Variants in SAMD5 observed in about 807,000 individuals in gnomAD.
SAMD5 encodes the protein sterile alpha motif domain containing 5, also known as sterile alpha motif domain-containing protein 5.
Under a neutral mutation model 11.3 loss-of-function variants are expected in SAMD5, and 13 were observed. The ratio of observed to expected loss-of-function variants is 1.15; its 90% CI spans 0.75 to 1.83. SAMD5 has a LOEUF of 1.83. Among genes scored for constraint, SAMD5 ranks in the 40% most tolerant of loss-of-function variants. The probability of loss-of-function intolerance (pLI) is 0.00; values close to 1 mark genes in which losing one functional copy is unlikely to be tolerated. For missense variants in SAMD5, 255 were observed against 239.1 expected, an observed-to-expected ratio of 1.07 and a Z score of -0.44; for synonymous variants, 129 against 111.3, an observed-to-expected ratio of 1.16 and a Z score of -1.00.
chr6:147,665,064 A>G (rs1201166131), intron 1 of SAMD5, among the ~76,000 whole-genome samples: 1 of 152,206 alleles, frequency 6.6e-6, no homozygotes, highest in East Asian at 1.9e-4. Flanking sequence ...TTACAGTGGA[A>G]AATGTTTCTG....
At chr6:147,938,217 TC>T in the SAMD5 span, among the ~76,000 whole-genome samples, 1 of 152,168 alleles carries the variant, frequency 6.6e-6, no homozygotes, top group Non-Finnish European at 1.5e-5. Flanking sequence ...GTTTCTCAGT[TC>T]CCTAGCCAGC....
At chr6:147,681,784 A>G (rs1193753179) in intron 1 of SAMD5, among the ~76,000 whole-genome samples, 1 of 152,150 alleles carries the variant, frequency 6.6e-6, no homozygotes, top group African/African-American at 2.4e-5. Flanking sequence ...TTCTAGGGCT[A>G]ATTTTACCCC....
At chr6:147,530,074 T>G (rs1052778898) in intron 1 of SAMD5, among the ~76,000 whole-genome samples, 1 of 152,230 alleles carries the variant, frequency 6.6e-6, no homozygotes, top group African/African-American at 2.4e-5. Flanking sequence ...TTACCATATA[T>G]GGGGACGATT....
At chr6:147,908,218 T>TGG in the SAMD5 span, among the ~76,000 whole-genome samples, 3 of 152,216 alleles carry the variant, frequency 2.0e-5, no homozygotes, top group African/African-American at 7.2e-5. Context: ...GACTCTATTA[T>TGG]GGAACCTCTA....
the SAMD5 span, among the ~76,000 whole-genome samples, chr6:147,894,683 T>A: frequency 3.7e-4 from 57 of 152,354 alleles, no homozygotes; most frequent in African/African-American, 1.3e-3. Flanking sequence ...AATATTCATA[T>A]GCACTCATGA....
At chr6:147,867,506 T>G in the SAMD5 span, among the ~76,000 whole-genome samples, 950 of 152,232 alleles carry the variant, frequency 6.2e-3, 9 homozygotes, top group East Asian at 0.03. Context: ...TGTGATGGGA[T>G]GGAATGATTT....
In SAMD5 at chr6:147,523,725, A is replaced by G. The variant is rs1319547973; in HGVS notation, c.459+14338A>G. 2.6e-5 allele frequency among the ~76,000 whole-genome samples: 4 copies of G among 152,210 alleles called. No individual in the cohort carries two copies. In the East Asian group the frequency reaches 7.7e-4, roughly 29 times the overall value. Reference sequence around the variant, plus strand: ...GCAATTCTTAGGACTTGCTTCCTTCAGGATCAGGTTAAGGGGCAAAACGTG... The same window carrying G: ...GCAATTCTTAGGACTTGCTTCCTTCGGGATCAGGTTAAGGGGCAAAACGTG... On this transcript the variant is annotated intron_variant, in intron 1 of 1. Transcript: ENST00000367474.
chr6:147,779,565 G>A, the SAMD5 span, among the ~76,000 whole-genome samples: 1 of 150,108 alleles, frequency 6.7e-6, no homozygotes, highest in Non-Finnish European at 1.5e-5. Flanking sequence ...GCACAATCTC[G>A]GCTCACTGCA....
chr6:147,827,336 A>T, the SAMD5 span, among the ~76,000 whole-genome samples: 1 of 152,148 alleles, frequency 6.6e-6, no homozygotes, highest in Non-Finnish European at 1.5e-5. Flanking sequence ...GAAGGGAACA[A>T]GGAAGGAATA....
intron 1 of SAMD5, among the ~76,000 whole-genome samples, chr6:147,673,702 ATATAAT>A (rs1305006707): frequency 6.6e-6 from 1 of 152,178 alleles, no homozygotes; most frequent in Non-Finnish European, 1.5e-5. Flanking sequence ...TCCATGAAAA[ATATAAT>A]TAAAAGAAAA....
rs115333849 is a variant in SAMD5 at position 147,684,846 on chromosome 6, T to G, written c.163-52471T>G. Among the ~76,000 whole-genome samples the G allele has an allele frequency of 6.7e-3, 1,013 of 152,328 alleles. 11 individuals are homozygous for G. The highest frequency in any genetic ancestry group is 0.023 in the African/African-American group (969 of 41,580). ...ACAATTGTTCTGGGTCCTTTAAAAT[T>G]TTTTGTCAAAATATATTTTAAAAAA... On this transcript the variant is annotated intron_variant, in intron 1 of 1. Coordinates refer to the SAMD5 transcript ENST00000566741.
the SAMD5 span, among the ~76,000 whole-genome samples, chr6:147,945,869 C>T: frequency 6.6e-6 from 1 of 152,210 alleles, no homozygotes; most frequent in South Asian, 2.1e-4. Context: ...GTGGTCACAG[C>T]TGTTGTTGTA....
chr6:147,789,711 C>T, the SAMD5 span, among the ~76,000 whole-genome samples: 1 of 152,148 alleles, frequency 6.6e-6, no homozygotes, highest in Non-Finnish European at 1.5e-5. Context: ...TGTGTTTAGT[C>T]ATCAGGTCTA....
chr6:147,541,871 A>T (rs1227200245), intron 1 of SAMD5, among the ~76,000 whole-genome samples: 1 of 152,058 alleles, frequency 6.6e-6, no homozygotes, highest in African/African-American at 2.4e-5. Context: ...GCCAACCAAG[A>T]TCCCCCAGGA....
intron 1 of SAMD5, among the ~76,000 whole-genome samples, chr6:147,577,662 C>G (rs1420079778): frequency 6.6e-6 from 1 of 152,040 alleles, no homozygotes; most frequent in Non-Finnish European, 1.5e-5. Flanking sequence ...GGCACATTTC[C>G]TGGTTTTGAA....
At chr6:147,551,811 G>GA (rs1788775836) in intron 1 of SAMD5, among the ~76,000 whole-genome samples, 3 of 48,802 alleles carry the variant, frequency 6.1e-5, no homozygotes, top group African/African-American at 4.0e-4. Context: ...TTATATATAT[G>GA]TTATATATAT....
chr6:147,759,044 G>A, the SAMD5 span, among the ~76,000 whole-genome samples: 1 of 152,168 alleles, frequency 6.6e-6, no homozygotes, highest in Non-Finnish European at 1.5e-5. Context: ...CTAAGCCAAT[G>A]GAATTAAAAT....
intron 1 of SAMD5, among the ~76,000 whole-genome samples, chr6:147,635,847 C>CAACCTG (rs1181225210): frequency 6.6e-6 from 1 of 152,230 alleles, no homozygotes; most frequent in African/African-American, 2.4e-5. Flanking sequence ...AGCTGACTTT[C>CAACCTG]AACCTGAAGG....
the SAMD5 span, among the ~76,000 whole-genome samples, chr6:147,884,062 T>C: frequency 6.6e-6 from 1 of 152,196 alleles, no homozygotes. Flanking sequence ...TAGTCGTTTT[T>C]GGGTTTTGTT....
Sources: gnomAD v4.1 joint callset for allele counts (sites outside exome capture counted in the v4.1 genomes callset) on GRCh38, gnomAD v4.1.1 for gene constraint, MANE v1.5 for transcripts, NCBI Gene and HGNC (gene_info 2026-07-23, HGNC 2026-07-21) for gene names.